MZT2B: variants seen among roughly 807,000 people sequenced by gnomAD.
MZT2B encodes mitotic spindle organizing protein 2B, also known as mitotic-spindle organizing protein 2B.
A neutral mutation model predicts 12.1 loss-of-function variants in MZT2B; 11 were observed. That is an observed-to-expected ratio of 0.91 (90% CI 0.57 to 1.50). The LOEUF (loss-of-function observed/expected upper bound fraction) is 1.50, where lower values mean the gene tolerates loss of function less well. Among genes scored for constraint, MZT2B ranks in the 40% most tolerant of loss-of-function variants. The probability of loss-of-function intolerance (pLI) is 0.00; values close to 1 mark genes in which losing one functional copy is unlikely to be tolerated. For synonymous variants in MZT2B, 85 were observed against 109.5 expected, an observed-to-expected ratio of 0.78 and a Z score of 1.40; for missense variants, 209 against 227.7, an observed-to-expected ratio of 0.92 and a Z score of 0.53.
chr2:130,181,699 C>G (rs1310513248), upstream of MZT2B: 1 of 1,548,488 alleles, frequency 6.5e-7, no homozygotes, highest in South Asian at 1.2e-5. Flanking sequence ...AAGCGAAGGC[C>G]GGCCGGGCGG....
rs539055418 is a variant in MZT2B, at chr2:130,187,122, G to A, written c.320-3347G>A. Among the ~76,000 whole-genome samples the A allele has an allele frequency of 1.1e-4, 16 of 147,744 alleles. 1 individual carries two copies. In the East Asian group the frequency reaches 1.2e-3, roughly 11 times the overall value. ...TATGAATAACTTATGTACTGATTAC[G>A]TATTGAAATAATACGTTGGATATTT... On this transcript the variant is annotated intron_variant, in intron 2 of 2. Coordinates refer to ENST00000281871, the MANE Select transcript of MZT2B (RefSeq NM_025029.5).
At position 130,184,882 on chromosome 2, in the gene MZT2B, G is replaced by A. The variant is rs114002554; in HGVS notation, c.319+2107G>A. On this transcript the variant is annotated intron_variant, in intron 2 of 2. Transcript: ENST00000281871. Reference sequence around the variant, plus strand: ...AGAGGCAGTGAGGAAAACCACCAGCGAGACCAGTGTGGTGGCTCACACCTG... The same window carrying A: ...AGAGGCAGTGAGGAAAACCACCAGCAAGACCAGTGTGGTGGCTCACACCTG... The A allele has an allele frequency of 3.8e-3, 3,706 of 985,252 alleles. 49 individuals carry two copies. The African/African-American group carries it at 0.038, about 10-fold the overall frequency. The allele number at this position is 985,252 out of a possible 1,614,324, so 61.0% of individuals were successfully genotyped here. A position where few individuals can be genotyped will look rare whatever the true frequency, so the allele number is the denominator to read the frequency against.
At chr2:130,183,185 A>T in intron 2 of MZT2B, 1 of 310,436 alleles carries the variant, frequency 3.2e-6, no homozygotes, top group South Asian at 3.9e-5. Context: ...TGACAGGGTG[A>T]GATCCTGTCT....
the MZT2B span, among the ~76,000 whole-genome samples, chr2:130,200,149 T>C: frequency 6.6e-6 from 1 of 151,012 alleles, no homozygotes; most frequent in Admixed American, 6.6e-5. Context: ...CGCAGCACTT[T>C]GGGAGGCCAA....
At chr2:130,183,052 C>G in intron 2 of MZT2B, 1 of 569,142 alleles carries the variant, frequency 1.8e-6, no homozygotes, top group Non-Finnish European at 3.0e-6. Context: ...TCACTCAGGC[C>G]TTCATCCTAC....
At chr2:130,191,559 G>A (rs532456428), downstream of MZT2B, among the ~76,000 whole-genome samples, 17 of 152,218 alleles carry the variant, frequency 1.1e-4, no homozygotes, top group Middle Eastern at 3.4e-3. Flanking sequence ...TACATTGAAC[G>A]CCTGGCTTTG....
chr2:130,191,728 C>T, downstream of MZT2B: 1 of 1,530,654 alleles, frequency 6.5e-7, no homozygotes, highest in Non-Finnish European at 8.8e-7. Context: ...AGCTAAGCTG[C>T]ATGACACTCA....
At chr2:130,191,018 C>T (rs538492933), downstream of MZT2B, among the ~76,000 whole-genome samples, 3 of 152,124 alleles carry the variant, frequency 2.0e-5, no homozygotes, top group South Asian at 2.1e-4. Context: ...GGTGCGATCT[C>T]GGCTCACTAC....
chr2:130,190,774 G>A (rs1341972913), downstream of MZT2B: 29 of 1,376,522 alleles, frequency 2.1e-5, no homozygotes, highest in Non-Finnish European at 2.7e-5. Context: ...TTATATTAAG[G>A]CACACTTAGA....
At chr2:130,204,442 G>A in the MZT2B span, 2 of 374,742 alleles carry the variant, frequency 5.3e-6, no homozygotes, top group Non-Finnish European at 5.3e-6. Context: ...TGTAATCCCA[G>A]CACTTTGGGA....
At chr2:130,187,282 G>T (rs577436240) in intron 2 of MZT2B, among the ~76,000 whole-genome samples, 1 of 152,014 alleles carries the variant, frequency 6.6e-6, no homozygotes, top group Non-Finnish European at 1.5e-5. Context: ...CTTCAACCTC[G>T]TGGGCTCAGA....
intron 2 of MZT2B, among the ~76,000 whole-genome samples, chr2:130,189,078 G>A (rs1434273603): frequency 3.3e-5 from 5 of 152,156 alleles, no homozygotes; most frequent in Non-Finnish European, 7.3e-5. Context: ...ACCTTTCCAG[G>A]ATGAGAGCCA....
At chr2:130,185,423 T>C (rs1358078721) in intron 2 of MZT2B, among the ~76,000 whole-genome samples, 1 of 145,632 alleles carries the variant, frequency 6.9e-6, no homozygotes, top group East Asian at 2.0e-4. Context: ...GATGTTGCCG[T>C]GAGCCAAGAG....
chr2:130,190,975 A>G (rs912205215), downstream of MZT2B, among the ~76,000 whole-genome samples: 2 of 151,920 alleles, frequency 1.3e-5, no homozygotes, highest in African/African-American at 4.8e-5. Flanking sequence ...TTTGAAATGG[A>G]GTCTTGCTCT....
downstream of MZT2B, chr2:130,194,270 G>A (rs1276000733): frequency 3.9e-6 from 6 of 1,545,450 alleles, no homozygotes; most frequent in South Asian, 5.7e-5. Context: ...GGTCGTGTGG[G>A]TGGTTAGGAT....
chr2:130,181,776 T>C (rs1218663923), upstream of MZT2B: 2 of 1,547,020 alleles, frequency 1.3e-6, no homozygotes, highest in Non-Finnish European at 1.7e-6. Context: ...GCCTGCGTTG[T>C]GGCGGCCTCC....
chr2:130,201,587 C>CG, the MZT2B span, among the ~76,000 whole-genome samples: 959 of 148,250 alleles, frequency 6.5e-3, 11 homozygotes, highest in South Asian at 8.1e-3. Flanking sequence ...CTAATATTGG[C>CG]GGGGGGGGAC....
In MZT2B at chr2:130,190,712, C is replaced by CTCTG. The variant is rs200319601; in HGVS notation, c.*86_*87insTCTG. ...ATTGATAATAAACCTTTCTGAGATG[C>CTCTG]AGAGGGTCCAGGTCAGATGTTGTCT... On this transcript the variant is annotated 3_prime_UTR_variant, in exon 3 of 3. Transcript: ENST00000281871. 18,584 of 1,509,100 alleles carry CTCTG rather than the reference C, an allele frequency of 0.012. 159 individuals carry two copies. Among genetic ancestry groups the CTCTG allele is most frequent in the Non-Finnish European group, 0.015 (16,625 of 1,126,960 alleles). The allele number at this position is 1,509,100 out of a possible 1,614,324, so 93.5% of individuals were successfully genotyped here.
the MZT2B span, among the ~76,000 whole-genome samples, chr2:130,203,154 A>C: frequency 8.0e-4 from 116 of 144,466 alleles, no homozygotes; most frequent in African/African-American, 2.9e-3. Flanking sequence ...ACATTCATTT[A>C]TACACTGAAG....
Sources: gnomAD v4.1 joint callset for allele counts (sites outside exome capture counted in the v4.1 genomes callset) on GRCh38, gnomAD v4.1.1 for gene constraint, MANE v1.5 for transcripts, NCBI Gene and HGNC (gene_info 2026-07-23, HGNC 2026-07-21) for gene names.